The following CAMTA1 variants were observed in gnomAD, a reference collection of about 807,000 sequenced individuals.
CAMTA1 encodes the protein calmodulin-binding transcription activator 1.
CAMTA1 carries 27 observed loss-of-function variants against 170.9 expected under a neutral mutation model. That is an observed-to-expected ratio of 0.16 (90% CI 0.12 to 0.22). The LOEUF is 0.22. Among genes scored for constraint, CAMTA1 ranks in the 10% least tolerant of loss-of-function variants. The probability of loss-of-function intolerance (pLI) is 1.00; values close to 1 mark genes in which losing one functional copy is unlikely to be tolerated. For synonymous variants in CAMTA1, 833 were observed against 891.5 expected (o/e 0.93, Z 1.17); for missense variants, 1,619 against 2,217.2 (o/e 0.73, Z 5.42).
rs1657888699 is a variant in CAMTA1, at chr1:7,207,153, C to T, written c.303-42338C>T. 2.0e-5 allele frequency among the ~76,000 whole-genome samples: 3 copies of T among 152,348 alleles called. 1 individual carries two copies. In the South Asian group the frequency reaches 6.2e-4, roughly 32 times the overall value. ...TATCTGTTGTATAATTATCAACAATCAGCATCCACTGAGTAGCATCTTGTA... is the reference window on the plus strand; with the variant it reads ...TATCTGTTGTATAATTATCAACAATTAGCATCCACTGAGTAGCATCTTGTA... On this transcript the variant is annotated intron_variant, in intron 4 of 22. Transcript: ENST00000303635.
chr1:7,767,683 CAG>C lies in CAMTA1; in HGVS notation c.*1196_*1197del, dbSNP rs3841358. The C allele has an allele frequency of 0.07, 10,708 of 152,298 alleles. 490 individuals carry two copies. The highest frequency in any genetic ancestry group is 0.13 in the Middle Eastern group (38 of 294). 9.4% of individuals were successfully genotyped at this position (152,298 alleles called of 1,614,324 possible). On this transcript the variant is annotated 3_prime_UTR_variant, in exon 23 of 23. Coordinates refer to ENST00000303635, the MANE Select transcript of CAMTA1 (RefSeq NM_015215.4). ...TTTGTATATATTGTATATATTAAAA[CAG>C]AGATATGTGCATGAAATCAAGAAAA... is the stretch of plus-strand genomic sequence containing the variant.
intron 5 of CAMTA1, among the ~76,000 whole-genome samples, chr1:7,259,129 G>C (rs533292804): frequency 1.3e-5 from 2 of 152,238 alleles, no homozygotes; most frequent in East Asian, 3.9e-4. Flanking sequence ...CCTTCTGTGC[G>C]GGTGTGTGGG....
At chr1:7,000,651 T>A (rs1464651784) in intron 3 of CAMTA1, among the ~76,000 whole-genome samples, 1 of 152,230 alleles carries the variant, frequency 6.6e-6, no homozygotes, top group Non-Finnish European at 1.5e-5. Context: ...CTCTTGGCTC[T>A]GACTTTGGGT....
intron 5 of CAMTA1, among the ~76,000 whole-genome samples, chr1:7,447,700 G>A (rs531176938): frequency 1.6e-4 from 25 of 152,090 alleles, no homozygotes; most frequent in Admixed American, 3.3e-4. Flanking sequence ...GGGTTCTCTC[G>A]TCCACCCGAG....
At chr1:7,121,683 T>A (rs1219052790) in intron 4 of CAMTA1, among the ~76,000 whole-genome samples, 1 of 152,218 alleles carries the variant, frequency 6.6e-6, no homozygotes, top group Non-Finnish European at 1.5e-5. Flanking sequence ...TCTTCCACTG[T>A]GCCTGCTGAG....
At chr1:7,105,502 C>G (rs1165309457) in intron 4 of CAMTA1, among the ~76,000 whole-genome samples, 1 of 152,234 alleles carries the variant, frequency 6.6e-6, no homozygotes, top group Non-Finnish European at 1.5e-5. Context: ...GGATCTGCGG[C>G]CTTTTCCTCC....
intron 5 of CAMTA1, among the ~76,000 whole-genome samples, chr1:7,362,949 G>A (rs1468976742): frequency 6.6e-6 from 1 of 152,144 alleles, no homozygotes; most frequent in African/African-American, 2.4e-5. Context: ...GTGAACTTGG[G>A]TAGAGGTGGT....
At chr1:6,835,003 G>C (rs1476210140) in intron 3 of CAMTA1, among the ~76,000 whole-genome samples, 1 of 152,130 alleles carries the variant, frequency 6.6e-6, no homozygotes, top group African/African-American at 2.4e-5. Context: ...CCTAAGTTCA[G>C]AACATTTTTC....
intron 3 of CAMTA1, among the ~76,000 whole-genome samples, chr1:6,987,868 AC>A (rs138587873): frequency 0.019 from 2,942 of 151,454 alleles, 77 homozygotes; most frequent in African/African-American, 0.067. Context: ...TGTGGTGCCC[AC>A]CCCAGCCTCA....
intron 4 of CAMTA1, among the ~76,000 whole-genome samples, chr1:7,213,978 T>C (rs1423110684): frequency 6.6e-6 from 1 of 152,236 alleles, no homozygotes; most frequent in African/African-American, 2.4e-5. Flanking sequence ...ATGGTGTATA[T>C]GTGCCACATT....
In CAMTA1 at chr1:7,134,337, C is replaced by A. The variant is rs554569378; in HGVS notation, c.302+42966C>A. On this transcript the variant is annotated intron_variant, in intron 4 of 22. Transcript: ENST00000303635. ...TGAGACAGGGTCTTGCTCTGTCACC[C>A]AGGCTGGAGTGCAGTGGTGCAATCA... is the stretch of plus-strand genomic sequence containing the variant. Among the ~76,000 whole-genome samples the A allele has an allele frequency of 8.7e-4, 133 of 152,222 alleles. 2 individuals carry two copies. The highest frequency in any genetic ancestry group is 3.4e-3 in the Middle Eastern group (1 of 294).
intron 6 of CAMTA1, among the ~76,000 whole-genome samples, chr1:7,540,130 C>T (rs2094592528): frequency 6.6e-6 from 1 of 152,294 alleles, no homozygotes; most frequent in Middle Eastern, 3.4e-3. Context: ...TGGCCCCACT[C>T]CAAGAACAGT....
At chr1:7,511,177 G>T (rs2094197639) in intron 6 of CAMTA1, among the ~76,000 whole-genome samples, 1 of 145,284 alleles carries the variant, frequency 6.9e-6, no homozygotes, top group Non-Finnish European at 1.5e-5. Flanking sequence ...AGGGCACCTT[G>T]CATAGTAGGT....
At chr1:7,591,297 G>A (rs542296105) in intron 6 of CAMTA1, among the ~76,000 whole-genome samples, 6 of 152,174 alleles carry the variant, frequency 3.9e-5, no homozygotes, top group Admixed American at 2.0e-4. Flanking sequence ...TCATAACGAA[G>A]TTCAGATCAA....
At chr1:7,072,877 A>C (rs756417686) in intron 3 of CAMTA1, among the ~76,000 whole-genome samples, 9 of 152,224 alleles carry the variant, frequency 5.9e-5, no homozygotes, top group Non-Finnish European at 1.3e-4. Context: ...GGAGTAGATC[A>C]GAGGAATCCT....
At position 6,874,226 on chromosome 1, in the gene CAMTA1, G is replaced by C. The variant is rs17029982; in HGVS notation, c.234+49016G>C. 0.011 allele frequency: 1,685 copies of C among 152,292 alleles called. 145 individuals are homozygous for C. The East Asian group carries it at 0.23, about 21-fold the overall frequency. 9.4% of individuals were successfully genotyped at this position (152,292 alleles called of 1,614,324 possible). ...GGCTGTGCCGTTGGCAGGCATAACC[G>C]GTGTGCTGAGAGGCAGTGGTAGTGA... On this transcript the variant is annotated intron_variant, in intron 3 of 22. Transcript: ENST00000303635.
intron 22 of CAMTA1, among the ~76,000 whole-genome samples, chr1:7,761,081 C>A (rs1374388575): frequency 6.6e-6 from 1 of 152,146 alleles, no homozygotes; most frequent in Non-Finnish European, 1.5e-5. Context: ...CAGTACATTA[C>A]GATGCAACTT....
intron 11 of CAMTA1, among the ~76,000 whole-genome samples, chr1:7,714,486 C>T (rs549943444): frequency 6.6e-6 from 1 of 152,010 alleles, no homozygotes; most frequent in East Asian, 1.9e-4. Context: ...CCTAGTAGTG[C>T]TTTTGTCGCA....
At chr1:7,002,788 G>A (rs986068102) in intron 3 of CAMTA1, among the ~76,000 whole-genome samples, 8 of 152,172 alleles carry the variant, frequency 5.3e-5, no homozygotes, top group African/African-American at 1.2e-4. Context: ...AGGCACTGCC[G>A]TCTATGGAAA....
Sources: allele counts gnomAD v4.1 joint callset (sites outside exome capture counted in the v4.1 genomes callset), GRCh38; gene constraint gnomAD v4.1.1; transcripts MANE v1.5; gene names NCBI Gene and HGNC (gene_info 2026-07-23, HGNC 2026-07-21).